Variants in ENOSF1 observed in about 807,000 individuals in gnomAD.
ENOSF1 encodes mitochondrial enolase superfamily member 1.
Under a neutral mutation model 68.2 loss-of-function variants are expected in ENOSF1, and 73 were observed. The observed-to-expected ratio is 1.07, with a 90% confidence interval of 0.89 to 1.30. The LOEUF (loss-of-function observed/expected upper bound fraction) is 1.30. Among genes scored for constraint, ENOSF1 ranks in the 50% most tolerant of loss-of-function variants. The pLI, the probability that ENOSF1 is intolerant of heterozygous loss-of-function variation, is 0.00. For synonymous variants in ENOSF1, 223 were observed against 210.4 expected (o/e 1.06, Z -0.52); for missense variants, 589 against 554.5 (o/e 1.06, Z -0.62).
intron 14 of ENOSF1, 40 bp from the exon 15 acceptor site, chr18:675,442 G>A (rs929191780): frequency 2.6e-6 from 4 of 1,542,360 alleles, no homozygotes; most frequent in Non-Finnish European, 3.6e-6. Flanking sequence ...GATGCCTGAA[G>A]TCAGATTATT....
intron 2 of ENOSF1, among the ~76,000 whole-genome samples, chr18:699,578 A>T (rs948774262): frequency 1.3e-5 from 2 of 152,186 alleles, no homozygotes; most frequent in Non-Finnish European, 2.9e-5. Context: ...CAATTCTAGG[A>T]AACATTTAGC....
chr18:699,741 G>C (rs2078119063), intron 2 of ENOSF1, among the ~76,000 whole-genome samples: 1 of 152,138 alleles, frequency 6.6e-6, no homozygotes, highest in Non-Finnish European at 1.5e-5. Context: ...CAGTTGTAGG[G>C]GTACAGTTTT....
chr18:683,597 A>G (rs913657735), intron 10 of ENOSF1, among the ~76,000 whole-genome samples: 1 of 151,970 alleles, frequency 6.6e-6, no homozygotes, highest in African/African-American at 2.4e-5. Flanking sequence ...CTTTAGGAGG[A>G]GCCGTGAATC....
chr18:701,756 CAA>C (rs71174274), intron 2 of ENOSF1, among the ~76,000 whole-genome samples: 32 of 136,952 alleles, frequency 2.3e-4, no homozygotes, highest in East Asian at 8.7e-4. Context: ...GACTCCATCT[CAA>C]AAAAAAAAAA....
downstream of ENOSF1, among the ~76,000 whole-genome samples, chr18:666,945 T>C (rs74333811): frequency 6.8e-4 from 19 of 28,028 alleles, 1 homozygote; most frequent in African/African-American, 2.1e-3. Context: ...ATGGAGATGG[T>C]GATGGTGATG....
At chr18:692,193 G>A (rs900978259) in intron 5 of ENOSF1, 1 of 152,220 alleles carries the variant, frequency 6.6e-6, no homozygotes, top group Non-Finnish European at 1.5e-5. Context: ...CACCCTGACG[G>A]AACAGTCAGT....
At position 683,362 on chromosome 18, in the gene ENOSF1, G is replaced by T; in HGVS notation, c.760C>A (p.Arg254Ser). 6.2e-7 allele frequency: 1 copy of T among 1,614,112 alleles called. No individual in the cohort carries two copies. The change falls in exon 11 of 16, where the codon CGC (arginine) becomes AGC (serine). Residue 254 changes from arginine (R) to serine (S), a missense_variant. By Grantham distance (110) the Arg-to-Ser change is moderately radical. Coordinates refer to ENST00000647584, the MANE Select transcript of ENOSF1 (RefSeq NM_017512.7). ...TCCACCGCCTCAGGCACATCCCAGC[G>T]CTGGTTGGCATCCATCATCTGCAAA... ...EKTLMMDANQ[R>S]WDVPEAVEWM...
intron 11 of ENOSF1, among the ~76,000 whole-genome samples, chr18:679,867 A>AATCACACTGACAGCTAAC (rs2075902400): frequency 6.6e-6 from 1 of 152,208 alleles, no homozygotes; most frequent in African/African-American, 2.4e-5. Flanking sequence ...GGGTAATAGT[A>AATCACACTGACAGCTAAC]ATCACACTGA....
At chr18:689,630 A>T (rs2076952586) in intron 8 of ENOSF1, among the ~76,000 whole-genome samples, 1 of 152,142 alleles carries the variant, frequency 6.6e-6, no homozygotes, top group South Asian at 2.1e-4. Context: ...TCTCCCAGAG[A>T]GGCTGGAATC....
In ENOSF1 at chr18:706,541, A is replaced by G. The variant is rs2078952476; in HGVS notation, c.122T>C (p.Ile41Thr). 2 of 1,613,930 alleles carry G rather than the reference A, an allele frequency of 1.2e-6. No individual in the cohort carries two copies. The highest frequency in any genetic ancestry group is 1.1e-5 in the South Asian group (1 of 91,052). The change falls in exon 2 of 16, where the codon ATA becomes ACA. Residue 41 changes from isoleucine (I) to threonine (T), a missense_variant. By Grantham distance (89) the Ile-to-Thr change is moderately conservative. Transcript: ENST00000647584. ...GATTCCATCTTCTGCATCAGTTTCT[A>G]TGACGACATAGGCAGCCGAGTAGTC... is the stretch of plus-strand genomic sequence containing the variant. Reference protein sequence around the residue: ...DPDYSAAYVVIETDAEDGIKG... With the variant: ...DPDYSAAYVVTETDAEDGIKG...
downstream of ENOSF1, among the ~76,000 whole-genome samples, chr18:667,238 GAGA>G (rs1233669702): frequency 2.8e-5 from 1 of 35,180 alleles, no homozygotes. Flanking sequence ...GATGGAGATG[GAGA>G]TGGTGATGGT....
At position 684,217 on chromosome 18, in the gene ENOSF1, A is replaced by C. The variant is rs576639287; in HGVS notation, c.742-837T>G. 1.2e-4 allele frequency among the ~76,000 whole-genome samples: 18 copies of C among 151,818 alleles called. 1 individual carries two copies. The South Asian group carries it at 1.5e-3, about 12-fold the overall frequency. ...TCACCATGTTAGCCAGGATGGTCTC[A>C]ATCTCCTGACCTTGTGATCCGCCCG... is the stretch of plus-strand genomic sequence containing the variant. On this transcript the variant is annotated intron_variant, in intron 10 of 15. Coordinates refer to ENST00000647584, the MANE Select transcript of ENOSF1 (RefSeq NM_017512.7).
At chr18:693,058 G>A (rs2077365872) in intron 5 of ENOSF1, 2 of 1,283,700 alleles carry the variant, frequency 1.6e-6, no homozygotes, top group East Asian at 5.6e-5. Flanking sequence ...ACATGCTCAA[G>A]GTCATGCAGC....
intron 12 of ENOSF1, 97 bp downstream of exon 12, chr18:678,599 A>T (rs2075754210): frequency 8.5e-7 from 1 of 1,171,164 alleles, no homozygotes; most frequent in Non-Finnish European, 1.3e-6. Context: ...AAAGTACAGC[A>T]GGTGATGGAG....
rs1027287887 is a variant in ENOSF1, at chr18:691,210, C to T, written c.490G>A (p.Ala164Thr). The change falls in exon 6 of 16, where the codon GCC becomes ACC. Residue 164 changes from alanine (A) to threonine (T), a missense_variant. Transcript: ENST00000647584. Reference sequence around the variant, plus strand: ...AGAAAGCTTCCAAACTCACCTAGGGCATCCTCCTCAGTCAGGACATCAGTG... The same window carrying T: ...AGAAAGCTTCCAAACTCACCTAGGGTATCCTCCTCAGTCAGGACATCAGTG... ...YITDVLTEED[A>T]LEILQKGQIG... 9 of 1,614,206 alleles carry T rather than the reference C, an allele frequency of 5.6e-6. No individual in the cohort carries two copies. The highest frequency in any genetic ancestry group is 1.3e-5 in the African/African-American group (1 of 75,066).
intron 2 of ENOSF1, among the ~76,000 whole-genome samples, chr18:702,562 G>A (rs2078473471): frequency 6.6e-6 from 1 of 151,384 alleles, no homozygotes; most frequent in African/African-American, 2.4e-5. Flanking sequence ...GCAACAGAGC[G>A]AGACTCTGTC....
At chr18:678,569 T>C in intron 12 of ENOSF1, 127 bp downstream of exon 12, 1 of 902,288 alleles carries the variant, frequency 1.1e-6, no homozygotes, top group Non-Finnish European at 1.8e-6. Context: ...GTTTCTAAGA[T>C]GATGAAAATT....
chr18:696,955 A>G (rs2077794472), intron 3 of ENOSF1, among the ~76,000 whole-genome samples: 2 of 152,008 alleles, frequency 1.3e-5, no homozygotes, highest in Non-Finnish European at 1.5e-5. Flanking sequence ...CATCTCTACT[A>G]AAATTACAAA....
intron 2 of ENOSF1, among the ~76,000 whole-genome samples, chr18:705,544 T>G (rs2078834505): frequency 6.6e-6 from 1 of 151,714 alleles, no homozygotes; most frequent in Admixed American, 6.6e-5. Flanking sequence ...TTATGTTCTG[T>G]GTCTTCTGTT....
Sources: allele counts gnomAD v4.1 joint callset (sites outside exome capture counted in the v4.1 genomes callset), GRCh38; gene constraint gnomAD v4.1.1; transcripts MANE v1.5; gene names NCBI Gene and HGNC (gene_info 2026-07-23, HGNC 2026-07-21).